The following SHF variants were observed in gnomAD, a reference collection of about 807,000 sequenced individuals.
SHF encodes Src homology 2 domain containing F.
SHF carries 30 observed loss-of-function variants against 42.4 expected under a neutral mutation model. The ratio of observed to expected loss-of-function variants is 0.71; its 90% CI spans 0.53 to 0.96. The LOEUF (loss-of-function observed/expected upper bound fraction) is 0.96, where lower values mean the gene tolerates loss of function less well. Among genes scored for constraint, SHF ranks in the 40% least tolerant of loss-of-function variants. The probability of loss-of-function intolerance (pLI) is 0.00; values close to 1 mark genes in which losing one functional copy is unlikely to be tolerated. For missense variants in SHF, 598 were observed against 634.0 expected (o/e 0.94, Z 0.61); for synonymous variants, 264 against 269.9 (o/e 0.98, Z 0.21).
chr15:45,190,656 A>G (rs1898687920), upstream of SHF, among the ~76,000 whole-genome samples: 1 of 152,152 alleles, frequency 6.6e-6, no homozygotes. Context: ...GCTGGGTAGG[A>G]TTTGGACAGA....
intron 1 of SHF, among the ~76,000 whole-genome samples, chr15:45,181,939 C>G (rs1898149002): frequency 6.6e-6 from 1 of 152,206 alleles, no homozygotes; most frequent in Non-Finnish European, 1.5e-5. Context: ...GAAAGATTTC[C>G]AAACTAGTAA....
chr15:45,192,183 T>C (rs1410326347), upstream of SHF, among the ~76,000 whole-genome samples: 1 of 151,880 alleles, frequency 6.6e-6, no homozygotes, highest in Admixed American at 6.6e-5. Context: ...TTTAATAATA[T>C]TGTCTGTCAT....
At chr15:45,199,734 A>T (rs1473876956) in intron 1 of SHF, 3 of 152,126 alleles carry the variant, frequency 2.0e-5, no homozygotes, top group Non-Finnish European at 4.4e-5. Flanking sequence ...AAGAAGACAG[A>T]AGACTTATAA....
At chr15:45,187,323 G>T in intron 1 of SHF, 131 bp downstream of exon 1, 2 of 887,844 alleles carry the variant, frequency 2.3e-6, no homozygotes, top group African/African-American at 1.7e-5. Flanking sequence ...GGAACCCCGG[G>T]GTCAGGGGCT....
At chr15:45,185,748 G>C (rs1398586154) in intron 1 of SHF, among the ~76,000 whole-genome samples, 2 of 152,234 alleles carry the variant, frequency 1.3e-5, no homozygotes, top group Non-Finnish European at 2.9e-5. Flanking sequence ...AGAACTGTGT[G>C]GGTGCACCCC....
chr15:45,198,770 AC>A lies in SHF; in HGVS notation c.303+1del, dbSNP rs376594356. The stretch of plus-strand genomic sequence containing the variant: ...TTGCGCGTCATTAAATGGCCTACTT[AC>A]GGGGCGAGGTTCCAGCCTGTCCCTG... On this transcript the variant is annotated splice_donor_variant, in intron 2 of 7. Coordinates refer to the SHF transcript ENST00000290894. LOFTEE classifies it high-confidence loss of function. 1.0e-5 allele frequency: 16 copies of A among 1,607,006 alleles called. No homozygotes were observed. The African/African-American group carries it at 1.9e-4, about 19-fold the overall frequency.
At chr15:45,189,464 C>T (rs1301975170), upstream of SHF, among the ~76,000 whole-genome samples, 2 of 136,176 alleles carry the variant, frequency 1.5e-5, no homozygotes, top group East Asian at 4.9e-4. Flanking sequence ...TTTCAGCTTA[C>T]AGCAACCTCC....
chr15:45,187,948 A>C lies in SHF; in HGVS notation c.4T>G (p.Leu2Val). 6 of 1,099,258 alleles carry C rather than the reference A, an allele frequency of 5.5e-6. No individual in the cohort carries two copies. The highest frequency in any genetic ancestry group is 4.4e-6 in the Non-Finnish European group (4 of 904,972). The allele number at this position is 1,099,258 out of a possible 1,614,324, so 68.1% of individuals were successfully genotyped here. Residue 2 changes from leucine to valine, a missense_variant, in exon 1 of 7, where the codon TTA becomes GTA. By Grantham distance (32) the Leu-to-Val change is conservative. Coordinates refer to ENST00000690270, the MANE Select transcript of SHF (RefSeq NM_001394037.1). ...CCAGCCGGAGGAGCTCCGCTCAGTA[A>C]CATGGGGCCAGCCAGACTGAGCGAG... M[L>V]LSGAPPAGSR...
upstream of SHF, among the ~76,000 whole-genome samples, chr15:45,190,628 G>T (rs538810232): frequency 1.1e-3 from 173 of 152,322 alleles, 1 homozygote; most frequent in Middle Eastern, 0.02. Context: ...CTTCATGCAG[G>T]ACAGGAGGTA....
exon 1 of SHF, chr15:45,201,114 A>G (rs1899078630): frequency 9.2e-6 from 3 of 327,098 alleles, no homozygotes; most frequent in Non-Finnish European, 1.2e-5. Flanking sequence ...GAAGGGCAAC[A>G]CTGGGTCAGC....
Position 45,172,335 on chromosome 15 carries a change from A to T in SHF, c.989-17T>A. 1 of 1,575,238 alleles carries T rather than the reference A, an allele frequency of 6.3e-7. No homozygotes were observed. Among genetic ancestry groups the T allele is most frequent in the Non-Finnish European group, 8.6e-7 (1 of 1,161,636 alleles). ...CAAACTGGGCTGTGGGGAACATATC[A>T]ATCATGGACTCTAAGGACCCTAGAG... is the stretch of plus-strand genomic sequence containing the variant. On this transcript the variant is annotated splice_polypyrimidine_tract_variant and intron_variant, in intron 4 of 6. Transcript: ENST00000690270.
chr15:45,196,298 T>C (rs1307566460), intron 2 of SHF, among the ~76,000 whole-genome samples: 1 of 152,200 alleles, frequency 6.6e-6, no homozygotes, highest in Non-Finnish European at 1.5e-5. Flanking sequence ...TTCCCCATGT[T>C]GGCCAGGCTG....
intron 1 of SHF, chr15:45,200,384 C>T (rs1235339058): frequency 4.8e-6 from 1 of 207,466 alleles, no homozygotes; most frequent in East Asian, 1.1e-4. Context: ...ATAAAACAAA[C>T]TCCCCTTGCC....
At chr15:45,178,031 TC>T (rs1897916576) in intron 2 of SHF, 133 bp downstream of exon 2, 4 of 1,228,568 alleles carry the variant, frequency 3.3e-6, no homozygotes, top group South Asian at 1.5e-5. Flanking sequence ...ATGACCATCC[TC>T]CCTAAGGACC....
At chr15:45,172,341 G>A (rs761718316) in intron 4 of SHF, 23 bp from the exon 5 acceptor site, 1 of 1,564,090 alleles carries the variant, frequency 6.4e-7, no homozygotes, top group Admixed American at 1.8e-5. Flanking sequence ...TATCAATCAT[G>A]GACTCTAAGG....
intron 6 of SHF, chr15:45,170,639 C>CT: frequency 4.8e-5 from 12 of 251,282 alleles, no homozygotes; most frequent in South Asian, 1.1e-4. Context: ...TTTCTATTAT[C>CT]TTTTTCTTTT....
chr15:45,198,451 T>G, intron 2 of SHF: 5 of 303,896 alleles, frequency 1.6e-5, no homozygotes, highest in East Asian at 6.4e-5. Flanking sequence ...GAGCATTACA[T>G]GAGAGTTACT....
intron 2 of SHF, among the ~76,000 whole-genome samples, chr15:45,177,947 C>T (rs1161797417): frequency 6.6e-6 from 1 of 152,216 alleles, no homozygotes; most frequent in Non-Finnish European, 1.5e-5. Flanking sequence ...ATCTGAACTT[C>T]AGTTGTGTGG....
intron 2 of SHF, among the ~76,000 whole-genome samples, chr15:45,194,701 T>C (rs575832652): frequency 6.6e-6 from 1 of 152,304 alleles, no homozygotes; most frequent in South Asian, 2.1e-4. Context: ...TCTTCAGTGC[T>C]TTCTCACACA....
Sources: gnomAD v4.1 joint callset for allele counts (sites outside exome capture counted in the v4.1 genomes callset) on GRCh38, gnomAD v4.1.1 for gene constraint, MANE v1.5 for transcripts, NCBI Gene and HGNC (gene_info 2026-07-23, HGNC 2026-07-21) for gene names.